EPHA4: variants seen among roughly 807,000 people sequenced by gnomAD.
The protein encoded by EPHA4 is ephrin type-A receptor 4.
A neutral mutation model predicts 108.3 loss-of-function variants in EPHA4; 19 were observed. That is an observed-to-expected ratio of 0.18 (90% CI 0.12 to 0.26). The LOEUF is 0.26. Ranked by LOEUF, EPHA4 falls within the 10% of genes least tolerant of loss-of-function variation. The pLI, the probability that EPHA4 is intolerant of heterozygous loss-of-function variation, is 1.00. For synonymous variants in EPHA4, 449 were observed against 455.5 expected (o/e 0.99, Z 0.18); for missense variants, 917 against 1,254.0 (o/e 0.73, Z 4.06).
chr2:221,487,888 C>T (rs1347187884), intron 4 of EPHA4, among the ~76,000 whole-genome samples: 1 of 152,028 alleles, frequency 6.6e-6, no homozygotes, highest in Non-Finnish European at 1.5e-5. Context: ...ATTTAGTATG[C>T]CCTTTACATT....
chr2:221,545,433 C>A (rs1419807974), intron 3 of EPHA4, among the ~76,000 whole-genome samples: 31 of 152,094 alleles, frequency 2.0e-4, no homozygotes. Flanking sequence ...TGCACCACTG[C>A]ACTCCAGCCT....
chr2:221,523,919 C>T (rs1038231217), intron 3 of EPHA4, among the ~76,000 whole-genome samples: 1 of 152,054 alleles, frequency 6.6e-6, no homozygotes, highest in Non-Finnish European at 1.5e-5. Context: ...CCTGGTATGT[C>T]CTAGGTGCTG....
intron 8 of EPHA4, 23 bp downstream of exon 8, chr2:221,455,524 C>G: frequency 6.4e-7 from 1 of 1,572,482 alleles, no homozygotes; most frequent in Non-Finnish European, 8.8e-7. Context: ...GGGGGCTGCA[C>G]AGTGAGTGGC....
At chr2:221,573,309 C>G (rs1694906275), upstream of EPHA4, 1 of 152,244 alleles carries the variant, frequency 6.6e-6, no homozygotes, top group South Asian at 2.1e-4. This position sits in a 1 kb window ranked among gnomAD's most constrained non-coding sequence, Gnocchi z 4.5. Context: ...CTCCCTGCCC[C>G]GGGAGAAGAC....
chr2:221,538,111 T>C (rs1164102049), intron 3 of EPHA4, among the ~76,000 whole-genome samples: 1 of 152,192 alleles, frequency 6.6e-6, no homozygotes, highest in African/African-American at 2.4e-5. Flanking sequence ...ATTTATTGAA[T>C]TGAACGAAGA....
chr2:221,556,471 A>ATTTTTTTTT (rs1225934215), intron 3 of EPHA4, among the ~76,000 whole-genome samples: 2 of 113,756 alleles, frequency 1.8e-5, no homozygotes, highest in Admixed American at 8.8e-5. Context: ...TAATTTTTGT[A>ATTTTTTTTT]TTTTTTTTTT....
At position 221,433,011 on chromosome 2, in the gene EPHA4, A is replaced by C. The variant is rs188526422; in HGVS notation, c.2496+1131T>G. ...GGCTAATTTTTTGTATTTTTAGTAG[A>C]GACGGGGTTTCACCATGTTGCTCAG... On this transcript the variant is annotated intron_variant, in intron 14 of 17. Transcript: ENST00000281821. 5.7e-3 allele frequency among the ~76,000 whole-genome samples: 871 copies of C among 151,956 alleles called. 7 individuals carry two copies. The highest frequency in any genetic ancestry group is 0.02 in the African/African-American group (824 of 41,434).
chr2:221,541,244 C>T (rs558860467), intron 3 of EPHA4, among the ~76,000 whole-genome samples: 1 of 152,126 alleles, frequency 6.6e-6, no homozygotes, highest in African/African-American at 2.4e-5. Flanking sequence ...GCCACTTTGC[C>T]TGGACTGAGA....
intron 3 of EPHA4, among the ~76,000 whole-genome samples, chr2:221,556,379 C>T (rs1694300985): frequency 3.9e-5 from 6 of 152,064 alleles, no homozygotes; most frequent in Admixed American, 3.3e-4. Context: ...TCAATACAAC[C>T]TCCATCTCCC....
At chr2:221,514,128 A>G (rs1322876668) in intron 3 of EPHA4, among the ~76,000 whole-genome samples, 1 of 151,680 alleles carries the variant, frequency 6.6e-6, no homozygotes, top group Non-Finnish European at 1.5e-5. Context: ...TGCATTTTGA[A>G]CTCTTCAGCT....
chr2:221,546,562 G>A (rs1026526071), intron 3 of EPHA4, among the ~76,000 whole-genome samples: 1 of 151,836 alleles, frequency 6.6e-6, no homozygotes, highest in Non-Finnish European at 1.5e-5. Flanking sequence ...AAAGTGAGAA[G>A]CATGAACTAA....
chr2:221,451,308 C>A (rs1229242918), intron 8 of EPHA4, among the ~76,000 whole-genome samples: 1 of 152,040 alleles, frequency 6.6e-6, no homozygotes, highest in Non-Finnish European at 1.5e-5. Flanking sequence ...TGGAGATAAC[C>A]TGATGAAATC....
At chr2:221,494,519 A>G (rs148136631) in intron 4 of EPHA4, among the ~76,000 whole-genome samples, 4 of 152,316 alleles carry the variant, frequency 2.6e-5, no homozygotes, top group South Asian at 2.1e-4. Context: ...AGGCAGGAGA[A>G]TTGTTTTAAC....
intron 4 of EPHA4, among the ~76,000 whole-genome samples, chr2:221,497,592 A>C (rs933203636): frequency 2.0e-5 from 3 of 151,726 alleles, no homozygotes; most frequent in African/African-American, 7.3e-5. Flanking sequence ...CAAAAACAAA[A>C]ACAGGTGTGG....
At chr2:221,474,163 G>A (rs988494228) in intron 5 of EPHA4, among the ~76,000 whole-genome samples, 1 of 152,080 alleles carries the variant, frequency 6.6e-6, no homozygotes, top group Non-Finnish European at 1.5e-5. Context: ...ACCTTGAAAA[G>A]TTGGATAATT....
At chr2:221,516,852 TC>T (rs891458979) in intron 3 of EPHA4, among the ~76,000 whole-genome samples, 1 of 152,152 alleles carries the variant, frequency 6.6e-6, no homozygotes, top group Non-Finnish European at 1.5e-5. Context: ...TCCTTTTTTT[TC>T]CCCAAATAAA....
chr2:221,496,302 T>C (rs1371499796), intron 4 of EPHA4, among the ~76,000 whole-genome samples: 1 of 152,204 alleles, frequency 6.6e-6, no homozygotes, highest in Non-Finnish European at 1.5e-5. Flanking sequence ...ACTAGCCATA[T>C]ATGGCTATTG....
At chr2:221,507,745 G>A (rs904601849) in intron 3 of EPHA4, among the ~76,000 whole-genome samples, 1 of 152,162 alleles carries the variant, frequency 6.6e-6, no homozygotes, top group East Asian at 1.9e-4. Flanking sequence ...AGCTTTGAAA[G>A]ATGTAACAGG....
intron 5 of EPHA4, among the ~76,000 whole-genome samples, chr2:221,458,549 A>G (rs146487707): frequency 1.1e-3 from 172 of 152,368 alleles, no homozygotes; most frequent in Non-Finnish European, 2.1e-3. Flanking sequence ...TCTGAACACA[A>G]CCATGTAAAT....
Sources: allele counts gnomAD v4.1 joint callset (sites outside exome capture counted in the v4.1 genomes callset), GRCh38; gene constraint gnomAD v4.1.1; non-coding constraint Gnocchi (gnomAD v3.1); transcripts MANE v1.5; gene names NCBI Gene and HGNC (gene_info 2026-07-23, HGNC 2026-07-21).